CNTNAP2: variants seen among roughly 807,000 people sequenced by gnomAD.
The protein encoded by CNTNAP2 is contactin associated protein 2.
Under a neutral mutation model 155.2 loss-of-function variants are expected in CNTNAP2, and 98 were observed. The ratio of observed to expected loss-of-function variants is 0.63; its 90% CI spans 0.54 to 0.75. The LOEUF is 0.75. Among genes scored for constraint, CNTNAP2 ranks in the 30% least tolerant of loss-of-function variants. The pLI is 0.00. For synonymous variants in CNTNAP2, 651 were observed against 631.2 expected, an observed-to-expected ratio of 1.03 and a Z score of -0.47; for missense variants, 1,727 against 1,688.1, an observed-to-expected ratio of 1.02 and a Z score of -0.40.
intron 15 of CNTNAP2, among the ~76,000 whole-genome samples, chr7:148,030,283 A>T (rs542531077): frequency 6.6e-6 from 1 of 152,340 alleles, no homozygotes; most frequent in South Asian, 2.1e-4. Context: ...TTGCAATTAG[A>T]GTTTCTTAAT....
chr7:148,292,628 G>C (rs1371039210), intron 21 of CNTNAP2, among the ~76,000 whole-genome samples: 1 of 152,198 alleles, frequency 6.6e-6, no homozygotes, highest in Non-Finnish European at 1.5e-5. Context: ...GCTCAGGTTA[G>C]CCACTGGTAT....
At chr7:147,626,260 T>TC (rs1563027826) in intron 12 of CNTNAP2, among the ~76,000 whole-genome samples, 1 of 152,066 alleles carries the variant, frequency 6.6e-6, no homozygotes, top group Non-Finnish European at 1.5e-5. Context: ...CCATGCTTGC[T>TC]TTTTTAGTGG....
At chr7:146,962,627 T>C (rs774431152) in intron 3 of CNTNAP2, among the ~76,000 whole-genome samples, 2 of 152,232 alleles carry the variant, frequency 1.3e-5, no homozygotes, top group Non-Finnish European at 2.9e-5. Context: ...CTTGACTCAC[T>C]GCAACCTCCA....
intron 3 of CNTNAP2, among the ~76,000 whole-genome samples, chr7:146,857,294 C>T (rs1331323607): frequency 1.3e-5 from 2 of 151,868 alleles, no homozygotes; most frequent in African/African-American, 2.4e-5. Context: ...AGTAAAAGGA[C>T]AAGTGTTCCT....
chr7:147,775,370 T>C (rs1307786646), intron 13 of CNTNAP2, among the ~76,000 whole-genome samples: 3 of 88,110 alleles, frequency 3.4e-5, no homozygotes, highest in African/African-American at 5.1e-5. Context: ...TATAAATATA[T>C]ATATATTTAT....
intron 1 of CNTNAP2, among the ~76,000 whole-genome samples, chr7:146,705,316 T>G (rs1051464139): frequency 1.3e-5 from 2 of 152,030 alleles, no homozygotes; most frequent in African/African-American, 4.8e-5. Context: ...AGGTGAGAAG[T>G]CCAAGATCAA....
At chr7:147,386,038 T>C (rs181132055) in intron 9 of CNTNAP2, among the ~76,000 whole-genome samples, 2,548 of 152,306 alleles carry the variant, frequency 0.017, 73 homozygotes, top group African/African-American at 0.057. Context: ...CTGCCAAGAC[T>C]TGGGGCTTCT....
At position 148,366,246 on chromosome 7, in the gene CNTNAP2, A is replaced by G. The variant is rs6954487; in HGVS notation, c.3476-17403A>G. On this transcript the variant is annotated intron_variant, in intron 21 of 23. Coordinates refer to ENST00000361727, the MANE Select transcript of CNTNAP2 (RefSeq NM_014141.6). ...TGTATATAGGTGTATATGTGTATGC[A>G]TGTATATATGTGTGTATATGTGTAC... 1.9e-4 allele frequency among the ~76,000 whole-genome samples: 13 copies of G among 68,452 alleles called. 2 individuals are homozygous for G. Among genetic ancestry groups the G allele is most frequent in the African/African-American group, 6.1e-4 (12 of 19,828 alleles). The allele number at this position is 68,452 out of a possible 152,430, so 44.9% of individuals were successfully genotyped here.
intron 13 of CNTNAP2, among the ~76,000 whole-genome samples, chr7:147,895,815 A>G (rs192130269): frequency 5.6e-4 from 85 of 152,352 alleles, no homozygotes; most frequent in Admixed American, 1.6e-3. Context: ...CTCTTGCTGA[A>G]TATAAAATAC....
intron 1 of CNTNAP2, among the ~76,000 whole-genome samples, chr7:146,226,466 C>T (rs1479063263): frequency 6.6e-6 from 1 of 152,008 alleles, no homozygotes; most frequent in African/African-American, 2.4e-5. Context: ...CAAGACCAGC[C>T]TGGGCTATAT....
intron 14 of CNTNAP2, among the ~76,000 whole-genome samples, chr7:147,962,140 C>T (rs1801128984): frequency 6.6e-6 from 1 of 152,208 alleles, no homozygotes; most frequent in Non-Finnish European, 1.5e-5. Context: ...CCCCACCAGA[C>T]CAGGCAGTGC....
intron 1 of CNTNAP2, among the ~76,000 whole-genome samples, chr7:146,576,047 A>C (rs114005733): frequency 0.015 from 2,215 of 152,286 alleles, 51 homozygotes; most frequent in African/African-American, 0.048. Context: ...GAAAGCAACC[A>C]ACATCTGTTT....
chr7:147,691,323 A>C (rs918957250), intron 13 of CNTNAP2, among the ~76,000 whole-genome samples: 2 of 152,156 alleles, frequency 1.3e-5, no homozygotes, highest in African/African-American at 4.8e-5. Context: ...CAGTCAAAAA[A>C]GCAGTAAGTC....
intron 14 of CNTNAP2, among the ~76,000 whole-genome samples, chr7:147,929,512 T>C (rs565768589): frequency 7.2e-5 from 11 of 152,326 alleles, no homozygotes; most frequent in African/African-American, 2.6e-4. Context: ...TTTAAAGATA[T>C]GAAAGGTACA....
At chr7:147,090,538 T>A (rs912381754) in intron 4 of CNTNAP2, among the ~76,000 whole-genome samples, 4 of 152,164 alleles carry the variant, frequency 2.6e-5, no homozygotes, top group African/African-American at 9.7e-5. Context: ...TTTTCTTAAT[T>A]TATTCAGATA....
At chr7:146,134,998 C>T (rs1191942394) in intron 1 of CNTNAP2, among the ~76,000 whole-genome samples, 1 of 151,890 alleles carries the variant, frequency 6.6e-6, no homozygotes, top group Non-Finnish European at 1.5e-5. Flanking sequence ...ACCAGTTCCT[C>T]CTTGTACCTC....
At chr7:146,638,869 C>T (rs959533798) in intron 1 of CNTNAP2, among the ~76,000 whole-genome samples, 2 of 151,998 alleles carry the variant, frequency 1.3e-5, no homozygotes, top group African/African-American at 4.8e-5. Context: ...AGTGTAATTC[C>T]AAAACCTAGA....
intron 9 of CNTNAP2, among the ~76,000 whole-genome samples, chr7:147,390,436 G>A (rs1796693172): frequency 1.3e-5 from 2 of 152,148 alleles, no homozygotes; most frequent in Admixed American, 1.3e-4. Context: ...TGGCTGGGCA[G>A]TTCTGACTTG....
At position 147,300,339 on chromosome 7, in the gene CNTNAP2, G is replaced by A. The variant is rs1162465566; in HGVS notation, c.1498+49G>A. The A allele has an allele frequency of 2.5e-6, 4 of 1,604,606 alleles. No individual in the cohort carries two copies. The South Asian group carries it at 3.3e-5, about 13-fold the overall frequency. On this transcript the variant is annotated intron_variant, in intron 9 of 23. Coordinates refer to ENST00000361727, the MANE Select transcript of CNTNAP2 (RefSeq NM_014141.6). Reference sequence around the variant, plus strand: ...TTACTAATCCATTGCAAAAAATGAGGTTTCAAAATGAAGTTTGATTATGAA... The same window carrying A: ...TTACTAATCCATTGCAAAAAATGAGATTTCAAAATGAAGTTTGATTATGAA...
Sources: gnomAD v4.1 joint callset for allele counts (sites outside exome capture counted in the v4.1 genomes callset) on GRCh38, gnomAD v4.1.1 for gene constraint, MANE v1.5 for transcripts, NCBI Gene and HGNC (gene_info 2026-07-23, HGNC 2026-07-21) for gene names.